The following PPP3CA variants were observed in gnomAD, a reference collection of about 807,000 sequenced individuals.
PPP3CA encodes CAM-PRP catalytic subunit.
Under a neutral mutation model 66.5 loss-of-function variants are expected in PPP3CA, and 14 were observed. The ratio of observed to expected loss-of-function variants is 0.21; its 90% confidence interval spans 0.14 to 0.33. PPP3CA has a LOEUF of 0.33. Among genes scored for constraint, PPP3CA ranks in the 10% least tolerant of loss-of-function variants. The pLI is 1.00. For missense variants in PPP3CA, 317 were observed against 639.5 expected (o/e 0.50, Z 5.44); for synonymous variants, 232 against 226.2 (o/e 1.03, Z -0.23).
chr4:101,157,168 C>T (rs1723350883), intron 2 of PPP3CA, among the ~76,000 whole-genome samples: 1 of 152,146 alleles, frequency 6.6e-6, no homozygotes, highest in African/African-American at 2.4e-5. Context: ...GTTTTTCCCC[C>T]TAGGCCAGGG....
intron 2 of PPP3CA, among the ~76,000 whole-genome samples, chr4:101,122,824 T>C (rs1722071854): frequency 6.6e-6 from 1 of 152,044 alleles, no homozygotes; most frequent in Admixed American, 6.6e-5. Context: ...GGAAGATAAA[T>C]CTGGTAATTC....
At chr4:101,180,004 G>A (rs1724185208) in intron 2 of PPP3CA, among the ~76,000 whole-genome samples, 1 of 152,096 alleles carries the variant, frequency 6.6e-6, no homozygotes, top group South Asian at 2.1e-4. Flanking sequence ...TGCACTTGTA[G>A]TACATCATTC....
At chr4:101,266,437 T>C (rs934105396) in intron 1 of PPP3CA, among the ~76,000 whole-genome samples, 7 of 152,336 alleles carry the variant, frequency 4.6e-5, no homozygotes, top group African/African-American at 1.4e-4. Context: ...TACTAAATTA[T>C]AAGAATGGTT....
chr4:101,333,297 T>G lies in PPP3CA; in HGVS notation c.58+13442A>C, dbSNP rs1221572035. On this transcript the variant is annotated intron_variant, in intron 1 of 13. Transcript: ENST00000394854. ...TTTTTTTTTTTTTTTTTTTTTTTTT[T>G]TTTTTTTTTTTTGTAGAGATGAGGT... 2.4e-4 allele frequency among the ~76,000 whole-genome samples: 29 copies of G among 122,436 alleles called. 1 individual carries two copies. Among genetic ancestry groups the G allele is most frequent in the Middle Eastern group, 3.9e-3 (1 of 254 alleles). The allele number at this position is 122,436 out of a possible 152,430, so 80.3% of individuals were successfully genotyped here. A position where few individuals can be genotyped will look rare whatever the true frequency, so the allele number is the denominator to read the frequency against.
chr4:101,153,314 T>G (rs946840904), intron 2 of PPP3CA, among the ~76,000 whole-genome samples: 1 of 152,184 alleles, frequency 6.6e-6, no homozygotes, highest in Admixed American at 6.5e-5. Context: ...AAGCATGACA[T>G]TATACCAAAT....
rs75879786 is a variant in PPP3CA, at chr4:101,172,634, T to C, written c.259+23282A>G. Among the ~76,000 whole-genome samples the C allele has an allele frequency of 8.2e-3, 1,240 of 152,112 alleles. 15 individuals carry two copies. Among genetic ancestry groups the C allele is most frequent in the African/African-American group, 0.029 (1,191 of 41,500 alleles). On this transcript the variant is annotated intron_variant, in intron 2 of 13. Transcript: ENST00000394854. ...CAGACTCCTTTCTAAGCACATGTGG[T>C]CCCTTCTCTAATGAGTCTTAGGAGG... is the stretch of plus-strand genomic sequence containing the variant.
At chr4:101,306,458 T>C (rs1008580744) in intron 1 of PPP3CA, among the ~76,000 whole-genome samples, 8 of 152,096 alleles carry the variant, frequency 5.3e-5, no homozygotes, top group Admixed American at 3.3e-4. Context: ...AAGAAAGCAC[T>C]TGGAGGTAAA....
intron 2 of PPP3CA, among the ~76,000 whole-genome samples, chr4:101,143,360 T>C (rs996994190): frequency 3.9e-5 from 6 of 152,324 alleles, no homozygotes; most frequent in Non-Finnish European, 8.8e-5. Flanking sequence ...CTATAAACAC[T>C]TGAATGTCTT....
intron 1 of PPP3CA, among the ~76,000 whole-genome samples, chr4:101,341,843 T>C (rs1361052785): frequency 6.6e-5 from 10 of 152,212 alleles, no homozygotes. Flanking sequence ...TTCTATATCA[T>C]GAATCACCAC....
At chr4:101,279,678 A>G (rs1226943872) in intron 1 of PPP3CA, among the ~76,000 whole-genome samples, 1 of 152,180 alleles carries the variant, frequency 6.6e-6, no homozygotes, top group Non-Finnish European at 1.5e-5. Flanking sequence ...CAATGACATC[A>G]CCACAGGCTT....
rs866171704 is a variant in PPP3CA, at chr4:101,346,754, C to T, written c.43G>A (p.Asp15Asn). The change falls in exon 1 of 14, where the codon GAC (aspartate) becomes AAC (asparagine). Residue 15 changes from aspartate (D) to asparagine (N), a missense_variant. By Grantham distance (23) the Asp-to-Asn change is conservative. Transcript: ENST00000394854. Reference protein sequence around the residue: ...KAIDPKLSTTDRVVKAVPFPP... With the variant: ...KAIDPKLSTTNRVVKAVPFPP... ...CTCCGCTTACCTTTCACCACCCTGT[C>T]GGTCGTCGACAACTTGGGATCAATT... 1.2e-6 allele frequency: 2 copies of T among 1,611,698 alleles called. No homozygotes were observed. The highest frequency in any genetic ancestry group is 1.7e-6 in the Non-Finnish European group (2 of 1,179,220).
chr4:101,346,836 C>G lies in PPP3CA; in HGVS notation c.-40G>C. ...GGACAGCGACGCGCTGCTCGTCCGT[C>G]CGACTGCACACCCCGACCGGACCGG... On this transcript the variant is annotated 5_prime_UTR_variant, in exon 1 of 14. Coordinates refer to ENST00000394854, the MANE Select transcript of PPP3CA (RefSeq NM_000944.5). 6.3e-7 allele frequency: 1 copy of G among 1,597,382 alleles called. No homozygotes were observed. The highest frequency in any genetic ancestry group is 8.5e-7 in the Non-Finnish European group (1 of 1,172,956).
intron 1 of PPP3CA, among the ~76,000 whole-genome samples, chr4:101,246,386 GA>G (rs1017192607): frequency 2.0e-5 from 3 of 152,198 alleles, no homozygotes; most frequent in Non-Finnish European, 2.9e-5. Flanking sequence ...GAAGTCATAT[GA>G]ACAACTATGG....
intron 10 of PPP3CA, among the ~76,000 whole-genome samples, chr4:101,049,121 A>C (rs1168373076): frequency 1.3e-5 from 2 of 152,108 alleles, no homozygotes; most frequent in African/African-American, 4.8e-5. Context: ...TTTCTGTTTA[A>C]TTATAAGTCA....
At chr4:101,092,384 A>G (rs1729991688) in intron 6 of PPP3CA, among the ~76,000 whole-genome samples, 1 of 151,942 alleles carries the variant, frequency 6.6e-6, no homozygotes, top group Admixed American at 6.6e-5. Context: ...ATGTGATAAC[A>G]TAATTGAATT....
intron 10 of PPP3CA, among the ~76,000 whole-genome samples, chr4:101,053,345 C>T (rs926114155): frequency 3.3e-5 from 5 of 152,112 alleles, no homozygotes; most frequent in African/African-American, 9.7e-5. Context: ...TTTTTCTGCA[C>T]TGGGTGCAAA....
chr4:101,295,646 A>G (rs1465611210), intron 1 of PPP3CA, among the ~76,000 whole-genome samples: 1 of 152,218 alleles, frequency 6.6e-6, no homozygotes, highest in Non-Finnish European at 1.5e-5. Context: ...CTTTGCTTCA[A>G]ACTTTTCTCT....
intron 12 of PPP3CA, among the ~76,000 whole-genome samples, chr4:101,030,043 C>G (rs991551271): frequency 2.6e-5 from 4 of 151,942 alleles, no homozygotes; most frequent in Non-Finnish European, 5.9e-5. Context: ...TATACAGAAA[C>G]AGCATATTTC....
In PPP3CA at chr4:101,346,736, T is replaced by C; in HGVS notation, c.58+3A>G. 1 of 1,610,812 alleles carries C rather than the reference T, an allele frequency of 6.2e-7. No homozygotes were observed. The highest frequency in any genetic ancestry group is 8.5e-7 in the Non-Finnish European group (1 of 1,178,834). On this transcript the variant is annotated splice_donor_region_variant and intron_variant, in intron 1 of 13. Coordinates refer to ENST00000394854, the MANE Select transcript of PPP3CA (RefSeq NM_000944.5). ...ACCCAGGCCACCGCGGCGCTCCGCTTACCTTTCACCACCCTGTCGGTCGTC... is the reference window on the plus strand; with the variant it reads ...ACCCAGGCCACCGCGGCGCTCCGCTCACCTTTCACCACCCTGTCGGTCGTC...
Sources: allele counts gnomAD v4.1 joint callset (sites outside exome capture counted in the v4.1 genomes callset), GRCh38; gene constraint gnomAD v4.1.1; transcripts MANE v1.5; gene names NCBI Gene and HGNC (gene_info 2026-07-23, HGNC 2026-07-21).